The following XRCC4 variants were observed in gnomAD, a reference collection of about 807,000 sequenced individuals.
XRCC4 encodes the protein DNA repair protein XRCC4.
In XRCC4, 28 loss-of-function variants were observed where a neutral mutation model predicts 39.1. That is an observed-to-expected ratio of 0.72 (90% CI 0.53 to 0.98). XRCC4 has a LOEUF of 0.98. Among genes scored for constraint, XRCC4 ranks in the 50% least tolerant of loss-of-function variants. XRCC4 has a pLI of 0.00. For synonymous variants in XRCC4, 123 were observed against 126.4 expected, an observed-to-expected ratio of 0.97 and a Z score of 0.18; for missense variants, 350 against 376.4, an observed-to-expected ratio of 0.93 and a Z score of 0.58.
chr5:83,164,405 A>G (rs1042419693), intron 3 of XRCC4, among the ~76,000 whole-genome samples: 2 of 152,166 alleles, frequency 1.3e-5, no homozygotes, highest in African/African-American at 4.8e-5. Flanking sequence ...AAAATCAAAA[A>G]CAACAAATTT....
chr5:83,105,759 AT>A (rs552769008), intron 2 of XRCC4, among the ~76,000 whole-genome samples: 146 of 152,164 alleles, frequency 9.6e-4, no homozygotes, highest in Non-Finnish European at 1.9e-3. Context: ...TTTTATAATT[AT>A]GCAAAAGTCT....
rs534113161 is a variant in XRCC4, at chr5:83,210,155, C to CAACA, written c.745+5235_745+5236insACAA. Among the ~76,000 whole-genome samples, 26 of 152,228 alleles carry CAACA rather than the reference C, an allele frequency of 1.7e-4. No homozygotes were observed. The South Asian group carries it at 4.6e-3, about 27-fold the overall frequency. On this transcript the variant is annotated intron_variant, in intron 6 of 7. Transcript: ENST00000396027. ...GTATCAAAGGGCTTGTTGCTTCAAA[C>CAACA]AGTGAATGTCTACTCACAGAGGGGA...
At chr5:83,282,843 A>AAAAAT (rs569310617) in intron 7 of XRCC4, among the ~76,000 whole-genome samples, 4 of 152,070 alleles carry the variant, frequency 2.6e-5, no homozygotes, top group African/African-American at 7.2e-5. Flanking sequence ...CTCCATCTCA[A>AAAAAT]AAAATAAAAT....
intron 7 of XRCC4, among the ~76,000 whole-genome samples, chr5:83,283,343 C>T (rs1307721259): frequency 6.6e-6 from 1 of 152,150 alleles, no homozygotes; most frequent in Non-Finnish European, 1.5e-5. Context: ...TTCTGCTATC[C>T]ACCTAATTTA....
chr5:83,372,794 A>G, the XRCC4 span, among the ~76,000 whole-genome samples: 1 of 152,218 alleles, frequency 6.6e-6, no homozygotes, highest in Non-Finnish European at 1.5e-5. Flanking sequence ...TTGCTAGAAA[A>G]CATGTGTAAA....
chr5:83,184,211 T>C (rs1253870025), intron 3 of XRCC4, among the ~76,000 whole-genome samples: 1 of 152,080 alleles, frequency 6.6e-6, no homozygotes, highest in East Asian at 1.9e-4. Context: ...TTATTTCAAT[T>C]AGGAATTTTA....
At chr5:83,358,977 G>A in the XRCC4 span, among the ~76,000 whole-genome samples, 1 of 151,680 alleles carries the variant, frequency 6.6e-6, no homozygotes, top group African/African-American at 2.4e-5. Flanking sequence ...ATCTTCCAAG[G>A]AACCTTTTGA....
chr5:83,084,715 A>G (rs1745104085), intron 1 of XRCC4, among the ~76,000 whole-genome samples: 1 of 152,214 alleles, frequency 6.6e-6, no homozygotes, highest in South Asian at 2.1e-4. Context: ...TCTGACACGT[A>G]GCACAAAATT....
chr5:83,203,452 T>G, intron 4 of XRCC4, 100 bp from the exon 5 acceptor site: 1 of 1,038,792 alleles, frequency 9.6e-7, no homozygotes, highest in Non-Finnish European at 1.3e-6. Flanking sequence ...AAATAATCTT[T>G]AATTGTATTT....
At chr5:83,224,240 G>C (rs1349022584) in intron 6 of XRCC4, among the ~76,000 whole-genome samples, 1 of 151,812 alleles carries the variant, frequency 6.6e-6, no homozygotes, top group Non-Finnish European at 1.5e-5. Flanking sequence ...GCTTTCTATA[G>C]TAGAGTGCTT....
At chr5:83,178,573 G>C (rs1750065870) in intron 3 of XRCC4, among the ~76,000 whole-genome samples, 1 of 152,180 alleles carries the variant, frequency 6.6e-6, no homozygotes, top group Non-Finnish European at 1.5e-5. Context: ...ATGTCTGTTG[G>C]TTTTGAAAAC....
At chr5:83,272,440 G>A (rs1365709147) in intron 7 of XRCC4, among the ~76,000 whole-genome samples, 1 of 152,052 alleles carries the variant, frequency 6.6e-6, no homozygotes, top group Non-Finnish European at 1.5e-5. Context: ...AAGTTCTGGG[G>A]TACATGTGCG....
At chr5:83,245,661 G>A (rs574516358) in intron 6 of XRCC4, among the ~76,000 whole-genome samples, 6 of 152,032 alleles carry the variant, frequency 3.9e-5, no homozygotes, top group East Asian at 1.9e-4. Context: ...TTTGATATCC[G>A]TATTTAAAAG....
intron 7 of XRCC4, among the ~76,000 whole-genome samples, chr5:83,265,816 A>G (rs1753934683): frequency 6.6e-6 from 1 of 152,030 alleles, no homozygotes; most frequent in Admixed American, 6.6e-5. Context: ...TTTCAAGATA[A>G]TATGTTTCAT....
At chr5:83,118,335 T>G (rs562855640) in intron 3 of XRCC4, among the ~76,000 whole-genome samples, 49 of 151,840 alleles carry the variant, frequency 3.2e-4, no homozygotes, top group Middle Eastern at 6.8e-3. Context: ...AGGGTCACAC[T>G]TTTTTGCCTA....
chr5:83,248,753 C>T (rs1226975626), intron 6 of XRCC4, among the ~76,000 whole-genome samples: 1 of 152,046 alleles, frequency 6.6e-6, no homozygotes, highest in Non-Finnish European at 1.5e-5. Flanking sequence ...AATTGATGCT[C>T]AAAGTAACTT....
chr5:83,184,184 T>A (rs1051717968), intron 3 of XRCC4, among the ~76,000 whole-genome samples: 2 of 152,104 alleles, frequency 1.3e-5, no homozygotes, highest in Non-Finnish European at 1.5e-5. Flanking sequence ...AAAATTAACA[T>A]ACTAAAATTT....
At chr5:83,160,581 A>G (rs1749156260) in intron 3 of XRCC4, among the ~76,000 whole-genome samples, 2 of 152,188 alleles carry the variant, frequency 1.3e-5, no homozygotes, top group African/African-American at 4.8e-5. Flanking sequence ...GGGATGATTG[A>G]TAACCTTTTA....
At chr5:83,369,655 G>A in the XRCC4 span, among the ~76,000 whole-genome samples, 2 of 152,158 alleles carry the variant, frequency 1.3e-5, no homozygotes, top group African/African-American at 2.4e-5. Flanking sequence ...CACTATTGAT[G>A]GGCACCTGGG....
Sources: allele counts gnomAD v4.1 joint callset (sites outside exome capture counted in the v4.1 genomes callset), GRCh38; gene constraint gnomAD v4.1.1; transcripts MANE v1.5; gene names NCBI Gene and HGNC (gene_info 2026-07-23, HGNC 2026-07-21).